Variants in TDRD9 observed in about 807,000 individuals in gnomAD.
TDRD9 encodes ATP-dependent RNA helicase TDRD9.
Under a neutral mutation model 172.6 loss-of-function variants are expected in TDRD9, and 124 were observed. The observed-to-expected ratio is 0.72, with a 90% CI of 0.62 to 0.83. The LOEUF (loss-of-function observed/expected upper bound fraction) is 0.83, where lower values mean the gene tolerates loss of function less well. Among genes scored for constraint, TDRD9 ranks in the 40% least tolerant of loss-of-function variants. TDRD9 has a pLI of 0.00. For missense variants in TDRD9, 1,479 were observed against 1,714.1 expected (o/e 0.86, Z 2.42); for synonymous variants, 619 against 617.1 (o/e 1.00, Z -0.05).
chr14:103,977,948 T>C (rs2033321212), intron 7 of TDRD9, among the ~76,000 whole-genome samples: 2 of 152,230 alleles, frequency 1.3e-5, no homozygotes, highest in South Asian at 4.1e-4. Flanking sequence ...TGAATGTTCT[T>C]GATGCCTTTC....
At chr14:103,984,440 T>C (rs1167485634) in intron 7 of TDRD9, among the ~76,000 whole-genome samples, 2 of 152,194 alleles carry the variant, frequency 1.3e-5, no homozygotes, top group African/African-American at 4.8e-5. Context: ...GCTCCAGTTA[T>C]GGCTGAAAGA....
intron 13 of TDRD9, among the ~76,000 whole-genome samples, chr14:104,000,781 T>A (rs2034234871): frequency 6.6e-6 from 1 of 152,060 alleles, no homozygotes; most frequent in African/African-American, 2.4e-5. Context: ...CAAGACTGTG[T>A]CTCAAAAAAA....
intron 1 of TDRD9, among the ~76,000 whole-genome samples, chr14:103,933,937 T>C (rs535447319): frequency 1.3e-5 from 2 of 152,254 alleles, no homozygotes; most frequent in Non-Finnish European, 2.9e-5. Context: ...TCTTTTTGTC[T>C]TGTTGCCTTT....
At chr14:103,993,559 G>A (rs1159979374) in intron 9 of TDRD9, among the ~76,000 whole-genome samples, 1 of 152,060 alleles carries the variant, frequency 6.6e-6, no homozygotes, top group Non-Finnish European at 1.5e-5. Flanking sequence ...TTGTCAGCAG[G>A]GCCATGCTCT....
At chr14:103,951,360 T>G (rs2152125266) in intron 1 of TDRD9, among the ~76,000 whole-genome samples, 1 of 152,358 alleles carries the variant, frequency 6.6e-6, no homozygotes, top group Admixed American at 6.5e-5. Flanking sequence ...TTGCTTCCCT[T>G]TATCTGGAAT....
At chr14:103,958,482 C>G (rs1218962901) in intron 2 of TDRD9, among the ~76,000 whole-genome samples, 1 of 152,178 alleles carries the variant, frequency 6.6e-6, no homozygotes, top group Non-Finnish European at 1.5e-5. Flanking sequence ...GTGAATATAT[C>G]ACCTTCATGG....
chr14:103,988,364 G>A (rs2033749846), intron 8 of TDRD9, among the ~76,000 whole-genome samples: 1 of 152,128 alleles, frequency 6.6e-6, no homozygotes, highest in African/African-American at 2.4e-5. Context: ...AGTAGAGACA[G>A]GGTTTCACCA....
rs2181230 is a variant in TDRD9 at position 103,967,818 on chromosome 14, A to G, written c.765+987A>G. Among the ~76,000 whole-genome samples, 121 of 152,302 alleles carry G rather than the reference A, an allele frequency of 7.9e-4. 1 individual carries two copies. In the East Asian group the frequency reaches 0.021, roughly 26 times the overall value. On this transcript the variant is annotated intron_variant, in intron 5 of 35. Coordinates refer to ENST00000409874, the MANE Select transcript of TDRD9 (RefSeq NM_153046.3). ...ACTTATGGTAGTTTTGAATATCTTT[A>G]TAGTAGGTAGAGACAAATTCAGATT...
chr14:103,948,345 G>A (rs1258993537), intron 1 of TDRD9, among the ~76,000 whole-genome samples: 1 of 152,142 alleles, frequency 6.6e-6, no homozygotes, highest in Non-Finnish European at 1.5e-5. Context: ...TGGCAAAACA[G>A]GAGTTGGTGA....
At chr14:103,951,605 A>C (rs565082743) in intron 1 of TDRD9, among the ~76,000 whole-genome samples, 2 of 152,312 alleles carry the variant, frequency 1.3e-5, no homozygotes, top group South Asian at 4.1e-4. Context: ...TTATTTGCTT[A>C]ATATTAGGGC....
At chr14:104,026,997 T>G in intron 28 of TDRD9, 58 bp downstream of exon 28, 1 of 1,571,674 alleles carries the variant, frequency 6.4e-7, no homozygotes, top group Non-Finnish European at 8.7e-7. Context: ...CGGGGCAGGC[T>G]TTCCTTCCTC....
In TDRD9 at chr14:104,015,967, A is replaced by T. The variant is rs945329432; in HGVS notation, c.2224-14A>T. 2 of 1,551,202 alleles carry T rather than the reference A, an allele frequency of 1.3e-6. No individual in the cohort carries two copies. Among genetic ancestry groups the T allele is most frequent in the African/African-American group, 2.7e-5 (2 of 73,558 alleles). ...ATAATGCTGTTACTTCATGAAAATA[A>T]ATTTCTTTTTCAGGTTGTATTGGCA... On this transcript the variant is annotated splice_polypyrimidine_tract_variant and intron_variant, in intron 21 of 35. Transcript: ENST00000409874.
At chr14:103,949,569 G>A (rs1254012125) in intron 1 of TDRD9, among the ~76,000 whole-genome samples, 8 of 152,316 alleles carry the variant, frequency 5.3e-5, no homozygotes, top group Middle Eastern at 3.4e-3. Flanking sequence ...CCAGGGAGTC[G>A]TGCAATATGC....
At chr14:103,970,510 T>G in intron 5 of TDRD9, 31 bp from the exon 6 acceptor site, 1 of 1,522,426 alleles carries the variant, frequency 6.6e-7, no homozygotes, top group Non-Finnish European at 8.9e-7. Context: ...CCTGATGCCA[T>G]GTGGGGGGTG....
At chr14:103,986,106 A>C in intron 7 of TDRD9, 111 bp from the exon 8 acceptor site, 1 of 755,816 alleles carries the variant, frequency 1.3e-6, no homozygotes, top group Middle Eastern at 2.3e-4. Flanking sequence ...ACTTTTATTT[A>C]GAGAGTTTGT....
chr14:103,947,118 C>T (rs7143682), intron 1 of TDRD9, among the ~76,000 whole-genome samples: 35,075 of 151,964 alleles, frequency 0.23, 4,854 homozygotes, highest in South Asian at 0.44. Flanking sequence ...GGAAGACTCA[C>T]ATTTCCTGAT....
At chr14:104,049,576 A>G (rs762196050) in intron 34 of TDRD9, 32 bp from the exon 35 acceptor site, 105 of 1,499,420 alleles carry the variant, frequency 7.0e-5, no homozygotes, top group Non-Finnish European at 8.7e-5. Context: ...ACTAATATAT[A>G]ATTAAGATAA....
At position 103,928,556 on chromosome 14, in the gene TDRD9, T is replaced by C; in HGVS notation, c.47T>C (p.Ile16Thr). ...TIEQINDWFT[I>T]GKTVTNVELL... ...GAGCAGATCAACGACTGGTTCACCA[T>C]CGGCAAGACGGTGACCAATGTGGAG... Residue 16 changes from isoleucine (I) to threonine (T), a missense_variant, in exon 1 of 36, where the codon ATC becomes ACC. Physicochemically the swap from Ile to Thr is moderately conservative, Grantham distance 89. Coordinates refer to ENST00000409874, the MANE Select transcript of TDRD9 (RefSeq NM_153046.3). 7.2e-7 allele frequency: 1 copy of C among 1,388,874 alleles called. No homozygotes were observed. The highest frequency in any genetic ancestry group is 9.4e-7 in the Non-Finnish European group (1 of 1,058,202). The allele number at this position is 1,388,874 out of a possible 1,614,324, so 86.0% of individuals were successfully genotyped here.
intron 1 of TDRD9, among the ~76,000 whole-genome samples, chr14:103,953,338 C>G (rs58220415): frequency 0.013 from 1,971 of 152,282 alleles, 106 homozygotes; most frequent in Admixed American, 0.12. Context: ...ACCTGGTACA[C>G]TGTTATTGTT....
Sources: allele counts gnomAD v4.1 joint callset (sites outside exome capture counted in the v4.1 genomes callset), GRCh38; gene constraint gnomAD v4.1.1; transcripts MANE v1.5; gene names NCBI Gene and HGNC (gene_info 2026-07-23, HGNC 2026-07-21).